Variants in TENM1 observed in about 807,000 individuals in gnomAD.
The protein encoded by TENM1 is teneurin-1.
TENM1 carries 35 observed loss-of-function variants against 174.8 expected under a neutral mutation model. The observed-to-expected ratio is 0.20, with a 90% confidence interval of 0.15 to 0.27. The LOEUF is 0.27. TENM1 is among the 10% of genes least tolerant of loss of function. The probability of loss-of-function intolerance (pLI) is 1.00; values close to 1 mark genes in which losing one functional copy is unlikely to be tolerated. For synonymous variants in TENM1, 781 were observed against 798.7 expected, an observed-to-expected ratio of 0.98 and a Z score of 0.37; for missense variants, 1,633 against 2,130.1, an observed-to-expected ratio of 0.77 and a Z score of 4.59.
At chrX:124,637,073 T>A (rs2050893889) in intron 11 of TENM1, among the ~76,000 whole-genome samples, 1 of 110,311 alleles carries the variant, frequency 9.1e-6, no homozygotes, top group South Asian at 3.9e-4. Context: ...ATTTTCTTTT[T>A]TCTTTTCTTT....
intron 15 of TENM1, among the ~76,000 whole-genome samples, chrX:124,542,629 T>C (rs2048346218): frequency 9.0e-6 from 1 of 111,304 alleles, no homozygotes; most frequent in Non-Finnish European, 1.9e-5. Context: ...GACATAATAA[T>C]CAAATTCCTG....
intron 1 of TENM1, among the ~76,000 whole-genome samples, chrX:124,962,491 C>T (rs752495852): frequency 1.6e-4 from 18 of 112,137 alleles, no homozygotes; most frequent in African/African-American, 5.2e-4. Flanking sequence ...AAGTCTATTA[C>T]TTTTTATCTC....
chrX:124,406,591 T>C (rs1424233965), intron 25 of TENM1, 102 bp from the exon 29 acceptor site: 3 of 488,821 alleles, frequency 6.1e-6, no homozygotes, highest in Non-Finnish European at 1.0e-5. Flanking sequence ...TAACTTTGAG[T>C]GATAACAAGT....
chrX:124,456,076 T>C (rs1363385522), intron 22 of TENM1, among the ~76,000 whole-genome samples: 2 of 111,979 alleles, frequency 1.8e-5, no homozygotes, highest in African/African-American at 3.2e-5. Flanking sequence ...ACTGTGAACT[T>C]CTTTGTCTCT....
At chrX:124,533,719 G>A (rs1156664684) in intron 15 of TENM1, among the ~76,000 whole-genome samples, 1 of 112,066 alleles carries the variant, frequency 8.9e-6, no homozygotes, top group Admixed American at 9.5e-5. Flanking sequence ...CAAGTAAGAT[G>A]ATAGAAGCTA....
intron 11 of TENM1, among the ~76,000 whole-genome samples, chrX:124,588,158 A>C (rs1218944458): frequency 9.0e-6 from 1 of 111,602 alleles, no homozygotes; most frequent in Admixed American, 9.5e-5. Context: ...CTAGAACTAG[A>C]AATACCATTT....
At chrX:125,172,052 A>C in the TENM1 span, among the ~76,000 whole-genome samples, 1 of 111,822 alleles carries the variant, frequency 8.9e-6, no homozygotes, top group Non-Finnish European at 1.9e-5. Context: ...ACAAGAAAAC[A>C]CTTAGAGAGC....
At chrX:124,656,135 A>C (rs1372225486) in intron 6 of TENM1, among the ~76,000 whole-genome samples, 1 of 112,697 alleles carries the variant, frequency 8.9e-6, no homozygotes, top group African/African-American at 3.2e-5. Flanking sequence ...CACTGTTTTA[A>C]AGGTGCTAAG....
In TENM1 at chrX:124,822,395, T is replaced by G. The variant is rs185312342; in HGVS notation, c.535+71901A>C. 4.5e-5 allele frequency among the ~76,000 whole-genome samples: 5 copies of G among 112,188 alleles called. No homozygotes were observed. The East Asian group carries it at 1.4e-3, about 32-fold the overall frequency. ...AGCTTTTTACTCTAACAAATGTAGC[T>G]AATGCTTATTATATACCAGAGACTG... On this transcript the variant is annotated intron_variant, in intron 3 of 31. Coordinates refer to ENST00000422452, the Ensembl canonical transcript of TENM1.
At chrX:124,636,133 A>G (rs956935340) in intron 11 of TENM1, among the ~76,000 whole-genome samples, 8 of 112,185 alleles carry the variant, frequency 7.1e-5, no homozygotes, top group African/African-American at 2.6e-4. Context: ...TTAGTGGAAG[A>G]AAATGATCAA....
chrX:124,462,430 GT>G (rs765953785), intron 22 of TENM1, among the ~76,000 whole-genome samples: 4,171 of 86,224 alleles, frequency 0.048, 143 homozygotes, highest in South Asian at 0.067. Flanking sequence ...GTGTGTGTGT[GT>G]GGGGGGGGTG....
intron 1 of TENM1, among the ~76,000 whole-genome samples, chrX:124,948,796 C>T (rs981765957): frequency 8.9e-6 from 1 of 112,135 alleles, no homozygotes; most frequent in Non-Finnish European, 1.9e-5. Flanking sequence ...TCAGGTGATC[C>T]ACTCACCTTG....
chrX:125,113,229 A>G, the TENM1 span, among the ~76,000 whole-genome samples: 822 of 111,614 alleles, frequency 7.4e-3, 8 homozygotes, highest in African/African-American at 0.026. Context: ...CAGATAAAAA[A>G]TTGTCTCAAA....
At chrX:125,067,768 T>C in the TENM1 span, among the ~76,000 whole-genome samples, 2 of 112,428 alleles carry the variant, frequency 1.8e-5, no homozygotes, top group Admixed American at 9.4e-5. Context: ...TGCTTTTGTT[T>C]TCAAACTTTT....
At chrX:125,071,856 T>C in the TENM1 span, among the ~76,000 whole-genome samples, 1,563 of 111,125 alleles carry the variant, frequency 0.014, 32 homozygotes, top group African/African-American at 0.047. Context: ...TCTATATTCA[T>C]ATATTTCTGT....
At chrX:124,785,103 T>C (rs1346377540) in intron 3 of TENM1, among the ~76,000 whole-genome samples, 1 of 111,477 alleles carries the variant, frequency 9.0e-6, no homozygotes, top group Non-Finnish European at 1.9e-5. Flanking sequence ...TCCTCCCAAA[T>C]TTAAAAGTAA....
At chrX:124,981,842 C>A in the TENM1 span, among the ~76,000 whole-genome samples, 25 of 110,169 alleles carry the variant, frequency 2.3e-4, no homozygotes, top group Non-Finnish European at 4.2e-4. Flanking sequence ...ATGAAAATAA[C>A]CTCTGGGAAA....
chrX:124,606,647 G>T (rs766325534), intron 11 of TENM1, among the ~76,000 whole-genome samples: 1 of 111,017 alleles, frequency 9.0e-6, no homozygotes, highest in African/African-American at 3.3e-5. Flanking sequence ...AGTAGGAGAG[G>T]GAAAAAGAGG....
chrX:124,766,617 A>G (rs1286512960), intron 3 of TENM1, among the ~76,000 whole-genome samples: 1 of 111,557 alleles, frequency 9.0e-6, no homozygotes, highest in South Asian at 3.7e-4. Flanking sequence ...GATAATAAAA[A>G]TATGGTTTCT....
Sources: gnomAD v4.1 joint callset for allele counts (sites outside exome capture counted in the v4.1 genomes callset) on GRCh38, gnomAD v4.1.1 for gene constraint, MANE v1.5 for transcripts, NCBI Gene and HGNC (gene_info 2026-07-23, HGNC 2026-07-21) for gene names.